PTPRD: variants seen among roughly 807,000 people sequenced by gnomAD.
The protein encoded by PTPRD is protein tyrosine phosphatase receptor type D.
In PTPRD, 34 loss-of-function variants were observed where a neutral mutation model predicts 214.5. The ratio of observed to expected loss-of-function variants is 0.16; its 90% CI spans 0.12 to 0.21. PTPRD has a LOEUF of 0.21. PTPRD is among the 10% of genes least tolerant of loss of function. PTPRD has a pLI of 1.00. For synonymous variants in PTPRD, 1,128 were observed against 845.7 expected (o/e 1.33, Z -5.79); for missense variants, 2,545 against 2,398.7 (o/e 1.06, Z -1.27).
intron 10 of PTPRD, among the ~76,000 whole-genome samples, chr9:9,020,572 C>T (rs187471283): frequency 8.9e-4 from 135 of 152,164 alleles, no homozygotes; most frequent in African/African-American, 3.1e-3. Context: ...CAACTGAGTG[C>T]ACGTGCTGCC....
At chr9:9,176,473 A>C (rs1368583004) in intron 10 of PTPRD, among the ~76,000 whole-genome samples, 1 of 152,110 alleles carries the variant, frequency 6.6e-6, no homozygotes, top group Non-Finnish European at 1.5e-5. Context: ...CAACTTGATT[A>C]CTAAACTAAG....
At position 8,389,224 on chromosome 9, in the gene PTPRD, A is replaced by C; in HGVS notation, c.4386+8T>G. On this transcript the variant is annotated splice_region_variant and intron_variant, in intron 37 of 45. Coordinates refer to ENST00000381196, the MANE Select transcript of PTPRD (RefSeq NM_002839.4). ...TTTAAAAGGAAAGAGGTGGATACTT[A>C]TTCTTACCCTTGATCTTTCTTCTAG... is the stretch of plus-strand genomic sequence containing the variant. 6.2e-7 allele frequency: 1 copy of C among 1,602,124 alleles called. No homozygotes were observed. The highest frequency in any genetic ancestry group is 8.5e-7 in the Non-Finnish European group (1 of 1,174,758).
Position 10,038,674 on chromosome 9 carries a change from C to T in PTPRD, c.-544-4884G>A, listed in dbSNP as rs1332088840. Among the ~76,000 whole-genome samples, 6 of 152,112 alleles carry T rather than the reference C, an allele frequency of 3.9e-5. 1 individual carries two copies. In the South Asian group the frequency reaches 1.2e-3, roughly 31 times the overall value. On this transcript the variant is annotated intron_variant, in intron 3 of 45. Coordinates refer to ENST00000381196, the MANE Select transcript of PTPRD (RefSeq NM_002839.4). ...ACCTGAACAGACTGCCTGCACACTT[C>T]AACATTACACCTTGAAAATATTTGC... is the stretch of plus-strand genomic sequence containing the variant.
chr9:8,680,913 G>A (rs2097538009), intron 12 of PTPRD, among the ~76,000 whole-genome samples: 1 of 152,210 alleles, frequency 6.6e-6, no homozygotes, highest in Admixed American at 6.5e-5. Flanking sequence ...CAGGGCCCTG[G>A]AAGAAGATAT....
At chr9:8,944,000 A>T (rs1281871049) in intron 11 of PTPRD, among the ~76,000 whole-genome samples, 1 of 152,102 alleles carries the variant, frequency 6.6e-6, no homozygotes, top group African/African-American at 2.4e-5. Context: ...CAAACTATTC[A>T]TCTGAAAAGG....
intron 11 of PTPRD, among the ~76,000 whole-genome samples, chr9:8,966,945 A>AAAAC (rs2099199563): frequency 6.6e-6 from 1 of 151,894 alleles, no homozygotes; most frequent in Non-Finnish European, 1.5e-5. Flanking sequence ...ACAAAACAAC[A>AAAAC]AACAAACAAA....
intron 12 of PTPRD, among the ~76,000 whole-genome samples, chr9:8,699,377 A>T (rs1597336371): frequency 6.6e-6 from 1 of 152,186 alleles, no homozygotes; most frequent in Non-Finnish European, 1.5e-5. Context: ...AAAAAGATTA[A>T]TTCCTGAAAT....
chr9:9,651,782 G>A (rs922000489), intron 7 of PTPRD, among the ~76,000 whole-genome samples: 7 of 137,952 alleles, frequency 5.1e-5, no homozygotes, highest in African/African-American at 1.9e-4. Context: ...TGGGTCAAAT[G>A]ATATTAGGGA....
chr9:8,544,584 C>T (rs1161506057), intron 14 of PTPRD, among the ~76,000 whole-genome samples: 3 of 150,778 alleles, frequency 2.0e-5, no homozygotes, highest in African/African-American at 7.3e-5. Context: ...ATCCTCTTGC[C>T]TCAGCCTCCC....
At chr9:9,885,984 T>TA (rs74310891) in intron 5 of PTPRD, among the ~76,000 whole-genome samples, 2,496 of 138,846 alleles carry the variant, frequency 0.018, 33 homozygotes, top group Non-Finnish European at 0.028. Flanking sequence ...CCCCACATAT[T>TA]AAAAAAAAAA....
At chr9:9,843,722 C>T (rs746424245) in intron 5 of PTPRD, among the ~76,000 whole-genome samples, 1 of 151,704 alleles carries the variant, frequency 6.6e-6, no homozygotes, top group Non-Finnish European at 1.5e-5. Flanking sequence ...TCTAGAAAAT[C>T]AACATAAGCA....
At chr9:9,809,465 C>G (rs1057264193) in intron 5 of PTPRD, among the ~76,000 whole-genome samples, 2 of 152,002 alleles carry the variant, frequency 1.3e-5, no homozygotes, top group African/African-American at 4.8e-5. Context: ...GACGGGGTTT[C>G]ACCATTCACA....
chr9:8,661,907 C>A (rs1224167159), intron 12 of PTPRD, among the ~76,000 whole-genome samples: 2 of 152,152 alleles, frequency 1.3e-5, no homozygotes, highest in Non-Finnish European at 2.9e-5. Flanking sequence ...TGGTCTACAA[C>A]ACGGATCTAT....
intron 14 of PTPRD, among the ~76,000 whole-genome samples, chr9:8,599,933 G>A (rs187795090): frequency 6.6e-6 from 1 of 152,004 alleles, no homozygotes; most frequent in East Asian, 1.9e-4. Context: ...CTCCCCTTTG[G>A]TAGAAACCAA....
At chr9:9,209,868 T>C (rs2099947401) in intron 9 of PTPRD, among the ~76,000 whole-genome samples, 1 of 152,096 alleles carries the variant, frequency 6.6e-6, no homozygotes, top group Non-Finnish European at 1.5e-5. Flanking sequence ...AACTCCTGGG[T>C]CAGATACAAA....
intron 14 of PTPRD, among the ~76,000 whole-genome samples, chr9:8,565,434 T>TTA: frequency 6.6e-6 from 1 of 152,204 alleles, no homozygotes; most frequent in Non-Finnish European, 1.5e-5. Flanking sequence ...AAATACTAAA[T>TTA]GCTGCACATT....
chr9:9,110,335 A>T (rs941416942), intron 10 of PTPRD, among the ~76,000 whole-genome samples: 1 of 152,092 alleles, frequency 6.6e-6, no homozygotes, highest in African/African-American at 2.4e-5. Flanking sequence ...AGCATTATAG[A>T]TATGCAAATT....
intron 11 of PTPRD, among the ~76,000 whole-genome samples, chr9:8,918,121 C>T (rs943369152): frequency 6.6e-6 from 1 of 152,160 alleles, no homozygotes; most frequent in Non-Finnish European, 1.5e-5. Context: ...CCTGCTCGAG[C>T]AGCCAGACAG....
At chr9:10,104,802 C>T (rs2098607069) in intron 3 of PTPRD, among the ~76,000 whole-genome samples, 1 of 151,806 alleles carries the variant, frequency 6.6e-6, no homozygotes, top group Non-Finnish European at 1.5e-5. Context: ...TGGAGTAATC[C>T]AAGTATTTAA....
Sources: gnomAD v4.1 joint callset for allele counts (sites outside exome capture counted in the v4.1 genomes callset) on GRCh38, gnomAD v4.1.1 for gene constraint, MANE v1.5 for transcripts, NCBI Gene and HGNC (gene_info 2026-07-23, HGNC 2026-07-21) for gene names.